Variants in ADAMTS6 observed in about 807,000 individuals in gnomAD.
ADAMTS6 encodes the protein A disintegrin and metalloproteinase with thrombospondin motifs 6.
Under a neutral mutation model 144.3 loss-of-function variants are expected in ADAMTS6, and 23 were observed. The observed-to-expected ratio is 0.16, with a 90% CI of 0.11 to 0.23. The LOEUF is 0.23. Among genes scored for constraint, ADAMTS6 ranks in the 10% least tolerant of loss-of-function variants. The probability of loss-of-function intolerance (pLI) is 1.00; values close to 1 mark genes in which losing one functional copy is unlikely to be tolerated. For synonymous variants in ADAMTS6, 444 were observed against 457.5 expected, an observed-to-expected ratio of 0.97 and a Z score of 0.38; for missense variants, 999 against 1,379.6, an observed-to-expected ratio of 0.72 and a Z score of 4.37.
chr5:65,461,194 C>G (rs1464322333), intron 3 of ADAMTS6, among the ~76,000 whole-genome samples: 2 of 152,188 alleles, frequency 1.3e-5, no homozygotes, highest in African/African-American at 4.8e-5. Flanking sequence ...AATGGAGTAG[C>G]TTCACCCTCC....
At chr5:65,426,722 A>T (rs1020905113) in intron 7 of ADAMTS6, among the ~76,000 whole-genome samples, 1 of 152,092 alleles carries the variant, frequency 6.6e-6, no homozygotes, top group African/African-American at 2.4e-5. Context: ...ATTAAAAACA[A>T]AACAAAACAA....
At chr5:65,343,604 T>C (rs1387796406) in intron 7 of ADAMTS6, among the ~76,000 whole-genome samples, 1 of 151,894 alleles carries the variant, frequency 6.6e-6, no homozygotes, top group Non-Finnish European at 1.5e-5. Context: ...GAAGAAAACG[T>C]AGGGGAAATG....
intron 15 of ADAMTS6, among the ~76,000 whole-genome samples, chr5:65,230,939 A>G (rs886413003): frequency 1.5e-4 from 23 of 148,582 alleles, no homozygotes; most frequent in Non-Finnish European, 3.1e-4. Context: ...AAAATCATCA[A>G]ATTACAAAGG....
At chr5:65,403,047 C>T (rs1287217541) in intron 7 of ADAMTS6, among the ~76,000 whole-genome samples, 3 of 151,872 alleles carry the variant, frequency 2.0e-5, no homozygotes, top group Admixed American at 2.0e-4. Flanking sequence ...TCATCAATAG[C>T]TCCATCCCTC....
intron 7 of ADAMTS6, among the ~76,000 whole-genome samples, chr5:65,364,564 C>CTTTTTT (rs1245835544): frequency 4.2e-5 from 5 of 117,844 alleles, no homozygotes; most frequent in East Asian, 2.5e-4. Context: ...GAATTTCTTT[C>CTTTTTT]TTTTTTTTTT....
chr5:65,328,660 C>T (rs1188630800), intron 9 of ADAMTS6, among the ~76,000 whole-genome samples: 3 of 151,078 alleles, frequency 2.0e-5, no homozygotes, highest in Non-Finnish European at 4.4e-5. Context: ...AATTTCAACA[C>T]AAATGTTGAA....
At chr5:65,422,032 G>A (rs1756088476) in intron 7 of ADAMTS6, among the ~76,000 whole-genome samples, 1 of 152,104 alleles carries the variant, frequency 6.6e-6, no homozygotes, top group South Asian at 2.1e-4. Flanking sequence ...CCACAAAGTG[G>A]GAGAAAATAT....
At chr5:65,478,259 A>T (rs1048568467) in intron 1 of ADAMTS6, among the ~76,000 whole-genome samples, 3 of 152,236 alleles carry the variant, frequency 2.0e-5, no homozygotes, top group African/African-American at 7.2e-5. Flanking sequence ...TGGGGAGGTT[A>T]ATCTGGACAC....
intron 9 of ADAMTS6, among the ~76,000 whole-genome samples, chr5:65,308,466 G>C (rs1179448218): frequency 6.6e-6 from 1 of 151,914 alleles, no homozygotes; most frequent in Non-Finnish European, 1.5e-5. Context: ...CTGGAAACTG[G>C]CTGGTAATCA....
At chr5:65,203,409 T>C (rs1286428885) in intron 20 of ADAMTS6, among the ~76,000 whole-genome samples, 1 of 152,094 alleles carries the variant, frequency 6.6e-6, no homozygotes, top group Non-Finnish European at 1.5e-5. Flanking sequence ...AAGGATTAGT[T>C]ATATTATACT....
At chr5:65,309,128 G>C (rs538232011) in intron 9 of ADAMTS6, among the ~76,000 whole-genome samples, 3 of 151,984 alleles carry the variant, frequency 2.0e-5, no homozygotes, top group African/African-American at 7.2e-5. Context: ...GTGGCGGGGG[G>C]GTGGTGGTTT....
In ADAMTS6 at chr5:65,338,480, G is replaced by A. The variant is rs73109284; in HGVS notation, c.1074-4395C>T. Reference sequence around the variant, plus strand: ...TTTTGCCTAGGCATGGCTATCAGAAGAAACTGACCAAAACACATGATTAAG... The same window carrying A: ...TTTTGCCTAGGCATGGCTATCAGAAAAAACTGACCAAAACACATGATTAAG... On this transcript the variant is annotated intron_variant, in intron 7 of 24. Coordinates refer to ENST00000381055, the MANE Select transcript of ADAMTS6 (RefSeq NM_197941.4). Among the ~76,000 whole-genome samples the A allele has an allele frequency of 8.3e-4, 127 of 152,370 alleles. 1 individual carries two copies. The highest frequency in any genetic ancestry group is 3.0e-3 in the African/African-American group (125 of 41,588).
chr5:65,417,005 C>T (rs1755588454), intron 7 of ADAMTS6, among the ~76,000 whole-genome samples: 1 of 152,012 alleles, frequency 6.6e-6, no homozygotes. Context: ...CTGAATTCAA[C>T]AGCATAACAA....
chr5:65,174,007 C>G (rs558236132), intron 22 of ADAMTS6, among the ~76,000 whole-genome samples: 1 of 127,448 alleles, frequency 7.8e-6, no homozygotes, highest in African/African-American at 3.0e-5. Context: ...AGAGACAGAG[C>G]AAGATTCTGT....
At chr5:65,275,411 G>GAAAGA (rs1161420887) in intron 11 of ADAMTS6, among the ~76,000 whole-genome samples, 150 of 125,946 alleles carry the variant, frequency 1.2e-3, no homozygotes, top group African/African-American at 3.6e-3. Flanking sequence ...AAGAAAGAAA[G>GAAAGA]AAAGAAAAGA....
chr5:65,231,296 A>T (rs1758225873), intron 15 of ADAMTS6, among the ~76,000 whole-genome samples: 1 of 152,138 alleles, frequency 6.6e-6, no homozygotes, highest in African/African-American at 2.4e-5. Context: ...AAAGAAAGTC[A>T]TTATATAATG....
At chr5:65,387,982 G>A (rs542529080) in intron 7 of ADAMTS6, among the ~76,000 whole-genome samples, 14 of 152,152 alleles carry the variant, frequency 9.2e-5, no homozygotes, top group Admixed American at 3.3e-4. Flanking sequence ...AGGCCAAGGC[G>A]GGCCTATCAC....
intron 14 of ADAMTS6, among the ~76,000 whole-genome samples, chr5:65,242,779 C>G (rs1040780809): frequency 6.6e-6 from 1 of 151,986 alleles, no homozygotes; most frequent in African/African-American, 2.4e-5. Context: ...GGGATTTGGA[C>G]TTATTATGAT....
At chr5:65,269,946 A>G (rs1405302454) in intron 12 of ADAMTS6, among the ~76,000 whole-genome samples, 1 of 151,980 alleles carries the variant, frequency 6.6e-6, no homozygotes, top group Non-Finnish European at 1.5e-5. Context: ...GGTGCCTGCC[A>G]CCATGCCCGG....
Sources: allele counts gnomAD v4.1 joint callset (sites outside exome capture counted in the v4.1 genomes callset), GRCh38; gene constraint gnomAD v4.1.1; transcripts MANE v1.5; gene names NCBI Gene and HGNC (gene_info 2026-07-23, HGNC 2026-07-21).